MIPOL1: variants seen among roughly 807,000 people sequenced by gnomAD.
MIPOL1 encodes mirror-image polydactyly 1, also known as mirror-image polydactyly gene 1 protein.
In MIPOL1, 57 loss-of-function variants were observed where a neutral mutation model predicts 60.9. That is an observed-to-expected ratio of 0.94 (90% CI 0.76 to 1.17). The LOEUF (loss-of-function observed/expected upper bound fraction) is 1.17, where lower values mean the gene tolerates loss of function less well. Among genes scored for constraint, MIPOL1 ranks in the 50% most tolerant of loss-of-function variants. The pLI is 0.00. For missense variants in MIPOL1, 551 were observed against 511.6 expected, an observed-to-expected ratio of 1.08 and a Z score of -0.74; for synonymous variants, 179 against 168.8, an observed-to-expected ratio of 1.06 and a Z score of -0.47.
intron 11 of MIPOL1, among the ~76,000 whole-genome samples, chr14:37,477,909 G>A (rs560485509): frequency 6.6e-6 from 1 of 152,284 alleles, no homozygotes; most frequent in South Asian, 2.1e-4. Context: ...GTTTTCTATT[G>A]CTTTGCTTAT....
intron 9 of MIPOL1, among the ~76,000 whole-genome samples, chr14:37,367,347 A>G (rs2092506128): frequency 6.6e-6 from 1 of 152,134 alleles, no homozygotes; most frequent in East Asian, 1.9e-4. Context: ...TAAACATTTA[A>G]TGTAGTTAAA....
At chr14:37,291,139 C>T (rs545079296) in intron 7 of MIPOL1, among the ~76,000 whole-genome samples, 1 of 152,206 alleles carries the variant, frequency 6.6e-6, no homozygotes, top group African/African-American at 2.4e-5. Context: ...GTTGCCCAGG[C>T]TGGTCTCAAA....
intron 11 of MIPOL1, among the ~76,000 whole-genome samples, chr14:37,490,459 C>T (rs1054996492): frequency 2.6e-5 from 4 of 152,072 alleles, no homozygotes; most frequent in East Asian, 3.9e-4. Flanking sequence ...GGGGAGTGAA[C>T]GGTCTGTCTT....
At chr14:37,200,538 T>C (rs561085924) in intron 1 of MIPOL1, among the ~76,000 whole-genome samples, 2 of 152,162 alleles carry the variant, frequency 1.3e-5, no homozygotes, top group Non-Finnish European at 2.9e-5. Flanking sequence ...AGTTAGAAGT[T>C]GTTTGGTGGT....
chr14:37,459,228 G>T (rs79267473), intron 11 of MIPOL1, among the ~76,000 whole-genome samples: 1 of 152,008 alleles, frequency 6.6e-6, no homozygotes, highest in Admixed American at 6.6e-5. Context: ...ACAAAATGAA[G>T]AGTTGGTTAT....
intron 10 of MIPOL1, among the ~76,000 whole-genome samples, chr14:37,395,189 G>A (rs1488251911): frequency 1.3e-5 from 2 of 152,092 alleles, no homozygotes; most frequent in African/African-American, 2.4e-5. Context: ...AAATCAGGTA[G>A]TGCAATACTT....
intron 11 of MIPOL1, among the ~76,000 whole-genome samples, chr14:37,463,104 C>A (rs111998861): frequency 6.6e-6 from 1 of 152,148 alleles, no homozygotes; most frequent in Non-Finnish European, 1.5e-5. Flanking sequence ...TTGCACTTAG[C>A]GTTTCACATG....
chr14:37,538,745 C>T (rs1373206737), intron 12 of MIPOL1, among the ~76,000 whole-genome samples: 2 of 152,186 alleles, frequency 1.3e-5, no homozygotes, highest in Non-Finnish European at 2.9e-5. Context: ...TGGCATTGCC[C>T]TCTTGCTGAC....
intron 11 of MIPOL1, chr14:37,434,526 T>C (rs951267505): frequency 6.6e-6 from 1 of 152,096 alleles, no homozygotes; most frequent in African/African-American, 2.4e-5. Flanking sequence ...GCCATGCTAA[T>C]CTTCTCTGTA....
chr14:37,372,046 T>G (rs539808540), intron 10 of MIPOL1, among the ~76,000 whole-genome samples: 2 of 152,242 alleles, frequency 1.3e-5, no homozygotes, highest in East Asian at 3.9e-4. Flanking sequence ...TCACTGTCTC[T>G]AAAGCTTTCA....
chr14:37,265,465 A>G (rs1374188288), intron 3 of MIPOL1, among the ~76,000 whole-genome samples: 1 of 152,182 alleles, frequency 6.6e-6, no homozygotes, highest in Non-Finnish European at 1.5e-5. Context: ...AAGACATACC[A>G]CACTGTAAGT....
chr14:37,447,823 A>C (rs1486017669), intron 11 of MIPOL1, among the ~76,000 whole-genome samples: 1 of 152,028 alleles, frequency 6.6e-6, no homozygotes, highest in African/African-American at 2.4e-5. Flanking sequence ...AATAATATAG[A>C]TGTAACGTGA....
chr14:37,246,238 C>T lies in MIPOL1; in HGVS notation c.-198-865C>T, dbSNP rs147936297. ...GAACAGAGGTGTTGACTGGCAGTCT[C>T]GTTGGGTACTAGAAGTTTCACTTGC... On this transcript the variant is annotated intron_variant, in intron 1 of 12. Transcript: ENST00000684589. Among the ~76,000 whole-genome samples, 24 of 152,078 alleles carry T rather than the reference C, an allele frequency of 1.6e-4. 2 individuals carry two copies. Among genetic ancestry groups the T allele is most frequent in the African/African-American group, 5.8e-4 (24 of 41,518 alleles).
At chr14:37,249,543 T>C (rs559347507) in intron 3 of MIPOL1, among the ~76,000 whole-genome samples, 1 of 152,194 alleles carries the variant, frequency 6.6e-6, no homozygotes, top group East Asian at 1.9e-4. Flanking sequence ...GGCTGCTTAT[T>C]ATGAGTTTAG....
At chr14:37,252,854 T>G (rs1427072238) in intron 3 of MIPOL1, among the ~76,000 whole-genome samples, 1 of 151,874 alleles carries the variant, frequency 6.6e-6, no homozygotes, top group East Asian at 1.9e-4. Context: ...AAAATATGAT[T>G]GTAGAATCTC....
At chr14:37,525,395 CTT>C (rs1446229790) in intron 12 of MIPOL1, among the ~76,000 whole-genome samples, 1 of 152,182 alleles carries the variant, frequency 6.6e-6, no homozygotes, top group East Asian at 1.9e-4. Flanking sequence ...TCCATTAACT[CTT>C]TGGGCTATGT....
At chr14:37,296,670 T>C (rs962491664) in intron 7 of MIPOL1, among the ~76,000 whole-genome samples, 1 of 152,060 alleles carries the variant, frequency 6.6e-6, no homozygotes, top group African/African-American at 2.4e-5. Context: ...GAAAATACTA[T>C]AAACACCTCT....
chr14:37,488,356 A>T (rs1353842901), intron 11 of MIPOL1, among the ~76,000 whole-genome samples: 1 of 152,272 alleles, frequency 6.6e-6, no homozygotes, highest in East Asian at 1.9e-4. Flanking sequence ...TGCAGAGCTG[A>T]ATTGAATTCC....
intron 12 of MIPOL1, among the ~76,000 whole-genome samples, chr14:37,534,756 A>C (rs1014597060): frequency 2.6e-5 from 4 of 152,158 alleles, no homozygotes; most frequent in Non-Finnish European, 4.4e-5. Flanking sequence ...GGATTAAGCA[A>C]AATAACTCCA....
Sources: gnomAD v4.1 joint callset for allele counts (sites outside exome capture counted in the v4.1 genomes callset) on GRCh38, gnomAD v4.1.1 for gene constraint, MANE v1.5 for transcripts, NCBI Gene and HGNC (gene_info 2026-07-23, HGNC 2026-07-21) for gene names.